COL21A1: variants seen among roughly 807,000 people sequenced by gnomAD.
COL21A1 encodes the protein collagen alpha-1(XXI) chain.
Under a neutral mutation model 137.9 loss-of-function variants are expected in COL21A1, and 149 were observed. The ratio of observed to expected loss-of-function variants is 1.08; its 90% confidence interval spans 0.95 to 1.24. COL21A1 has a LOEUF of 1.24. COL21A1 is among the 50% of genes most tolerant of loss of function. The pLI is 0.00. For synonymous variants in COL21A1, 456 were observed against 391.5 expected (o/e 1.16, Z -1.95); for missense variants, 1,167 against 1,158.4 (o/e 1.01, Z -0.11).
chr6:56,142,371 T>C (rs965079800), intron 10 of COL21A1, among the ~76,000 whole-genome samples: 1 of 152,210 alleles, frequency 6.6e-6, no homozygotes, highest in South Asian at 2.1e-4. Flanking sequence ...ACCTAATTAA[T>C]GGCCATCTGA....
At chr6:56,382,231 G>T (rs2094009818) in intron 1 of COL21A1, among the ~76,000 whole-genome samples, 1 of 152,166 alleles carries the variant, frequency 6.6e-6, no homozygotes, top group South Asian at 2.1e-4. Flanking sequence ...TGTTTGGAAT[G>T]CTCAAGGCCT....
chr6:56,263,513 C>A (rs2152331153), intron 1 of COL21A1, among the ~76,000 whole-genome samples: 1 of 152,316 alleles, frequency 6.6e-6, no homozygotes, highest in South Asian at 2.1e-4. Flanking sequence ...GCGTTGGAAG[C>A]TTGCCATCTT....
chr6:56,338,119 T>A (rs1765376645), intron 1 of COL21A1, among the ~76,000 whole-genome samples: 1 of 151,890 alleles, frequency 6.6e-6, no homozygotes, highest in African/African-American at 2.4e-5. Context: ...TGTGCCACCA[T>A]GCTTGACTAA....
At chr6:56,282,967 A>G (rs945746952) in intron 1 of COL21A1, among the ~76,000 whole-genome samples, 1 of 152,220 alleles carries the variant, frequency 6.6e-6, no homozygotes, top group Non-Finnish European at 1.5e-5. Context: ...AGATGTACTT[A>G]TTTGAAGTAA....
chr6:56,142,521 G>C (rs1774492445), intron 10 of COL21A1, among the ~76,000 whole-genome samples: 1 of 152,136 alleles, frequency 6.6e-6, no homozygotes, highest in African/African-American at 2.4e-5. Flanking sequence ...TGGGCTGTTT[G>C]CTTAGGGGAG....
chr6:56,300,258 G>A (rs1254610482), intron 1 of COL21A1, among the ~76,000 whole-genome samples: 1 of 152,082 alleles, frequency 6.6e-6, no homozygotes, highest in African/African-American at 2.4e-5. Context: ...CAGAGTAGAG[G>A]CTGGAAGTGG....
chr6:56,204,167 C>T (rs1779593502), intron 1 of COL21A1, among the ~76,000 whole-genome samples: 1 of 152,098 alleles, frequency 6.6e-6, no homozygotes, highest in South Asian at 2.1e-4. Flanking sequence ...GGGCGGAAAC[C>T]AGGGAGCCAA....
At chr6:56,381,140 A>AT (rs2094007967) in intron 1 of COL21A1, among the ~76,000 whole-genome samples, 2 of 152,124 alleles carry the variant, frequency 1.3e-5, no homozygotes, top group Non-Finnish European at 1.5e-5. Context: ...TATTTAGGAA[A>AT]TTAACTCTTT....
intron 1 of COL21A1, among the ~76,000 whole-genome samples, chr6:56,206,541 G>A (rs1484724131): frequency 6.6e-6 from 1 of 151,618 alleles, no homozygotes; most frequent in African/African-American, 2.4e-5. Flanking sequence ...CAATAATAAT[G>A]GGAGACTTTA....
chr6:56,285,466 A>G (rs572398993), intron 1 of COL21A1, among the ~76,000 whole-genome samples: 1 of 152,336 alleles, frequency 6.6e-6, no homozygotes, highest in South Asian at 2.1e-4. Context: ...ATTTACCTCA[A>G]ACAACAAAAA....
intron 1 of COL21A1, among the ~76,000 whole-genome samples, chr6:56,368,086 GA>G (rs1766142446): frequency 6.6e-6 from 1 of 151,964 alleles, no homozygotes; most frequent in South Asian, 2.1e-4. Flanking sequence ...AAACTACTGT[GA>G]AAAAAAATTT....
At chr6:56,134,374 T>C (rs1000524355) in intron 12 of COL21A1, among the ~76,000 whole-genome samples, 1 of 152,202 alleles carries the variant, frequency 6.6e-6, no homozygotes, top group Non-Finnish European at 1.5e-5. Flanking sequence ...GGAGTATTTA[T>C]CCAATGCCTG....
chr6:56,166,581 G>A (rs1282528905), intron 7 of COL21A1, among the ~76,000 whole-genome samples: 1 of 152,086 alleles, frequency 6.6e-6, no homozygotes, highest in Non-Finnish European at 1.5e-5. Flanking sequence ...GAACCCAGAC[G>A]CGGAGGTTGC....
chr6:56,106,943 C>G (rs917313306), intron 16 of COL21A1, among the ~76,000 whole-genome samples: 2 of 152,010 alleles, frequency 1.3e-5, no homozygotes, highest in African/African-American at 4.8e-5. Context: ...CCCGCCACCA[C>G]GCCCGGCTAA....
intron 19 of COL21A1, among the ~76,000 whole-genome samples, chr6:56,074,571 A>G (rs1026782892): frequency 2.4e-4 from 36 of 151,432 alleles, no homozygotes; most frequent in African/African-American, 8.2e-4. Context: ...AAAGAAAAAT[A>G]TAAAGGAAAA....
chr6:56,148,338 C>CAGACAG (rs1554145108), intron 10 of COL21A1, among the ~76,000 whole-genome samples: 8 of 133,176 alleles, frequency 6.0e-5, no homozygotes, highest in African/African-American at 2.0e-4. Context: ...AGACAAGAGA[C>CAGACAG]AGAGAGAGAG....
rs1194811264 is a variant in COL21A1 at position 56,066,977 on chromosome 6, A to ATGTG, written c.2127+314_2127+317dup. On this transcript the variant is annotated intron_variant, in intron 23 of 29. Transcript: ENST00000244728. The stretch of plus-strand genomic sequence containing the variant: ...ACTGTGTGTGTGTATATATATATAT[A>ATGTG]TGTGTGTGTGTGTGTGTGTATGTGG... 6.9e-3 allele frequency among the ~76,000 whole-genome samples: 1,015 copies of ATGTG among 146,588 alleles called. 10 individuals carry two copies. Among genetic ancestry groups the ATGTG allele is most frequent in the African/African-American group, 0.019 (759 of 40,076 alleles).
chr6:56,272,090 G>A (rs1188716912), intron 1 of COL21A1, among the ~76,000 whole-genome samples: 1 of 152,108 alleles, frequency 6.6e-6, no homozygotes, highest in Non-Finnish European at 1.5e-5. Flanking sequence ...CTGGAGCTGT[G>A]AGAAGAGGGC....
intron 1 of COL21A1, among the ~76,000 whole-genome samples, chr6:56,267,531 C>A (rs1763419494): frequency 6.6e-6 from 1 of 151,868 alleles, no homozygotes; most frequent in Non-Finnish European, 1.5e-5. Flanking sequence ...CAGAGGTGGG[C>A]AGATCATATG....
Sources: gnomAD v4.1 joint callset for allele counts (sites outside exome capture counted in the v4.1 genomes callset) on GRCh38, gnomAD v4.1.1 for gene constraint, MANE v1.5 for transcripts, NCBI Gene and HGNC (gene_info 2026-07-23, HGNC 2026-07-21) for gene names.